Variants in HEATR5B observed in about 807,000 individuals in gnomAD.
HEATR5B encodes the protein HEAT repeat-containing protein 5B.
In HEATR5B, 156 loss-of-function variants were observed where a neutral mutation model predicts 224.1. The ratio of observed to expected loss-of-function variants is 0.70; its 90% CI spans 0.61 to 0.80. The LOEUF is 0.80. Ranked by LOEUF, HEATR5B falls within the 30% of genes least tolerant of loss-of-function variation. HEATR5B has a pLI of 0.00. For missense variants in HEATR5B, 2,323 were observed against 2,535.5 expected, an observed-to-expected ratio of 0.92 and a Z score of 1.80; for synonymous variants, 1,027 against 893.0, an observed-to-expected ratio of 1.15 and a Z score of -2.68.
chr2:36,984,254 TAA>T (rs1216906333), intron 35 of HEATR5B, among the ~76,000 whole-genome samples: 1 of 122,518 alleles, frequency 8.2e-6, no homozygotes, highest in Non-Finnish European at 1.7e-5. Context: ...GGAAAAAATA[TAA>T]GTTATTTAAG....
chr2:36,989,628 T>C (rs576605173), intron 34 of HEATR5B, among the ~76,000 whole-genome samples: 4 of 152,064 alleles, frequency 2.6e-5, no homozygotes, highest in Non-Finnish European at 5.9e-5. Context: ...GAAAATAAAG[T>C]CTTACTGGCT....
At chr2:36,991,468 C>G (rs188103298) in intron 33 of HEATR5B, among the ~76,000 whole-genome samples, 2 of 146,440 alleles carry the variant, frequency 1.4e-5, no homozygotes, top group African/African-American at 5.1e-5. Context: ...GCACTCCAGC[C>G]TGGGCAACAA....
intron 4 of HEATR5B, 162 bp from the exon 5 acceptor site, chr2:37,075,796 G>A (rs2148600094): frequency 2.2e-6 from 1 of 454,934 alleles, no homozygotes; most frequent in African/African-American, 2.0e-5. Context: ...GAAAGTACCT[G>A]GCAAGTAAGA....
chr2:37,029,362 T>C (rs1487148395), intron 22 of HEATR5B, among the ~76,000 whole-genome samples: 1 of 152,198 alleles, frequency 6.6e-6, no homozygotes, highest in Non-Finnish European at 1.5e-5. Flanking sequence ...AGAGTTCATT[T>C]AAAAATTGGG....
At chr2:37,044,241 C>G (rs942974379) in intron 18 of HEATR5B, among the ~76,000 whole-genome samples, 1 of 152,160 alleles carries the variant, frequency 6.6e-6, no homozygotes, top group Non-Finnish European at 1.5e-5. Context: ...ATTTTCATCA[C>G]CACAGAAAGT....
At chr2:36,985,408 T>C (rs1665876786) in intron 35 of HEATR5B, among the ~76,000 whole-genome samples, 1 of 151,612 alleles carries the variant, frequency 6.6e-6, no homozygotes, top group Admixed American at 6.6e-5. Context: ...ATCTGAGTAG[T>C]GAAGCAGTCC....
chr2:37,056,111 AAACT>A (rs1311518723), intron 16 of HEATR5B, among the ~76,000 whole-genome samples: 1 of 152,128 alleles, frequency 6.6e-6, no homozygotes, highest in Non-Finnish European at 1.5e-5. Context: ...ACTATCAAAC[AAACT>A]ATTATAATGC....
At chr2:37,006,406 C>A (rs1169302520) in intron 29 of HEATR5B, among the ~76,000 whole-genome samples, 1 of 152,218 alleles carries the variant, frequency 6.6e-6, no homozygotes, top group Non-Finnish European at 1.5e-5. Context: ...CAGCACCCAG[C>A]CGAGGTGGGT....
intron 1 of HEATR5B, among the ~76,000 whole-genome samples, 159 bp downstream of exon 1, chr2:37,084,110 C>A (rs1672814482): frequency 6.6e-6 from 1 of 152,232 alleles, no homozygotes. Context: ...CGTGGGGTTC[C>A]GCAGGCTGTC....
intron 2 of HEATR5B, among the ~76,000 whole-genome samples, chr2:37,082,280 A>G (rs968192029): frequency 6.6e-6 from 1 of 151,708 alleles, no homozygotes; most frequent in Non-Finnish European, 1.5e-5. Context: ...GGGTTTCACC[A>G]TGTTGGCCAG....
At chr2:37,045,942 C>G (rs372675486) in intron 18 of HEATR5B, among the ~76,000 whole-genome samples, 10 of 152,268 alleles carry the variant, frequency 6.6e-5, no homozygotes, top group African/African-American at 1.9e-4. Context: ...ATTTAAGACA[C>G]AAGGGTAAAT....
intron 25 of HEATR5B, among the ~76,000 whole-genome samples, chr2:37,020,093 C>G (rs978127329): frequency 6.6e-6 from 1 of 152,012 alleles, no homozygotes; most frequent in Non-Finnish European, 1.5e-5. Flanking sequence ...TTAGTAGAGA[C>G]AGGGTTTCAC....
intron 25 of HEATR5B, 138 bp downstream of exon 25, chr2:37,020,517 G>T: frequency 1.9e-6 from 1 of 534,164 alleles, no homozygotes; most frequent in Non-Finnish European, 3.2e-6. Context: ...CTAGGTAACA[G>T]ACAATGGAGA....
At chr2:37,021,905 AT>A (rs1238338138) in intron 24 of HEATR5B, among the ~76,000 whole-genome samples, 4 of 131,442 alleles carry the variant, frequency 3.0e-5, no homozygotes, top group Admixed American at 7.4e-5. Flanking sequence ...AAAAAAAAAA[AT>A]TTACTGAGGC....
At chr2:37,008,175 T>C (rs1400321615) in intron 28 of HEATR5B, 1 of 167,412 alleles carries the variant, frequency 6.0e-6, no homozygotes, top group Non-Finnish European at 1.3e-5. Flanking sequence ...CAGAAAAAAA[T>C]GTTGACGATT....
intron 24 of HEATR5B, among the ~76,000 whole-genome samples, chr2:37,022,967 A>G (rs1464229971): frequency 6.6e-6 from 1 of 152,214 alleles, no homozygotes; most frequent in Non-Finnish European, 1.5e-5. Context: ...ACAAAGAGAG[A>G]GAGAGAAAAA....
intron 20 of HEATR5B, among the ~76,000 whole-genome samples, chr2:37,038,275 G>A (rs535030845): frequency 7.6e-4 from 115 of 152,158 alleles, no homozygotes; most frequent in Middle Eastern, 3.4e-3. Context: ...GAGTAGCTGG[G>A]ATTACAAGCA....
chr2:37,025,476 T>A (rs114537544), intron 24 of HEATR5B, among the ~76,000 whole-genome samples: 1 of 145,948 alleles, frequency 6.9e-6, no homozygotes. Context: ...AAAAAAAAAA[T>A]CATGCGGCAT....
chr2:37,065,116 C>A (rs1426883611), intron 9 of HEATR5B, 126 bp from the exon 10 acceptor site: 1 of 928,404 alleles, frequency 1.1e-6, no homozygotes. Flanking sequence ...AGATCCACAA[C>A]TTTGCCTAAA....
Sources: gnomAD v4.1 joint callset for allele counts (sites outside exome capture counted in the v4.1 genomes callset) on GRCh38, gnomAD v4.1.1 for gene constraint, MANE v1.5 for transcripts, NCBI Gene and HGNC (gene_info 2026-07-23, HGNC 2026-07-21) for gene names.